The following SDK1 variants were observed in gnomAD, a reference collection of about 807,000 sequenced individuals.
The protein encoded by SDK1 is protein sidekick-1.
Under a neutral mutation model 245.5 loss-of-function variants are expected in SDK1, and 157 were observed. That is an observed-to-expected ratio of 0.64 (90% CI 0.56 to 0.73). The LOEUF (loss-of-function observed/expected upper bound fraction) is 0.73, where lower values mean the gene tolerates loss of function less well. SDK1 is among the 30% of genes least tolerant of loss of function. SDK1 has a pLI of 0.00. For missense variants in SDK1, 3,583 were observed against 3,002.3 expected (o/e 1.19, Z -4.52); for synonymous variants, 1,647 against 1,278.5 (o/e 1.29, Z -6.15).
At chr7:3,744,798 T>C (rs10261115) in intron 4 of SDK1, among the ~76,000 whole-genome samples, 12,787 of 150,354 alleles carry the variant, frequency 0.085, 1,693 homozygotes, top group African/African-American at 0.28. Flanking sequence ...GGCGACAGAG[T>C]GAGACTCCAT....
At chr7:3,718,641 G>A (rs938172280) in intron 4 of SDK1, among the ~76,000 whole-genome samples, 10 of 152,110 alleles carry the variant, frequency 6.6e-5, no homozygotes, top group African/African-American at 2.4e-4. Context: ...ATAGGGAGTA[G>A]CTTCATCAAC....
intron 1 of SDK1, among the ~76,000 whole-genome samples, chr7:3,599,099 T>G (rs73673638): frequency 1.3e-5 from 2 of 148,458 alleles, no homozygotes; most frequent in African/African-American, 2.6e-5. Context: ...CCTTTTTTTT[T>G]TTTTTTTTTT....
chr7:3,389,029 G>A (rs57823932), intron 1 of SDK1, among the ~76,000 whole-genome samples: 18,780 of 152,158 alleles, frequency 0.12, 1,416 homozygotes, highest in African/African-American at 0.21. Context: ...TTTTGGTAGC[G>A]TAGTTTGGAA....
At chr7:3,678,268 G>T (rs1426171432) in intron 4 of SDK1, among the ~76,000 whole-genome samples, 6 of 152,118 alleles carry the variant, frequency 3.9e-5, no homozygotes, top group African/African-American at 1.4e-4. Context: ...TCACATCTAG[G>T]TATATACCCC....
At chr7:3,827,388 G>GTGTGTTAC (rs1554267602) in intron 5 of SDK1, among the ~76,000 whole-genome samples, 9 of 152,116 alleles carry the variant, frequency 5.9e-5, no homozygotes, top group African/African-American at 2.2e-4. Flanking sequence ...TGGAAGGCTC[G>GTGTGTTAC]TGTCTTACTC....
chr7:4,116,409 C>T (rs2128192725), intron 25 of SDK1, among the ~76,000 whole-genome samples: 1 of 152,308 alleles, frequency 6.6e-6, no homozygotes, highest in Non-Finnish European at 1.5e-5. Flanking sequence ...CAGCACGTGC[C>T]CAGTGCATCT....
intron 4 of SDK1, among the ~76,000 whole-genome samples, chr7:3,678,129 T>C (rs1455969406): frequency 1.3e-5 from 2 of 152,194 alleles, no homozygotes; most frequent in African/African-American, 4.8e-5. Context: ...AGTAGAAAAT[T>C]AACAAGTGTT....
At chr7:3,547,126 T>C (rs912731627) in intron 1 of SDK1, among the ~76,000 whole-genome samples, 2 of 152,220 alleles carry the variant, frequency 1.3e-5, no homozygotes, top group East Asian at 1.9e-4. Flanking sequence ...ATTTTTATTA[T>C]GATTTAACCC....
intron 5 of SDK1, among the ~76,000 whole-genome samples, chr7:3,848,758 G>A (rs944687604): frequency 2.0e-5 from 3 of 151,030 alleles, no homozygotes; most frequent in South Asian, 2.1e-4. Flanking sequence ...TGCAACCTCC[G>A]CCTCCCGAGT....
chr7:4,151,968 G>A (rs952206643), intron 30 of SDK1, among the ~76,000 whole-genome samples: 6 of 152,186 alleles, frequency 3.9e-5, no homozygotes, highest in Admixed American at 1.3e-4. Flanking sequence ...TGAAAACCCA[G>A]TGTGTGTGCA....
chr7:3,770,703 C>T (rs947649698), intron 4 of SDK1, among the ~76,000 whole-genome samples: 2 of 152,058 alleles, frequency 1.3e-5, no homozygotes, highest in East Asian at 3.9e-4. Context: ...AAGGAACATC[C>T]TTCTGTCTCC....
chr7:3,431,537 G>A (rs575791051), intron 1 of SDK1, among the ~76,000 whole-genome samples: 5 of 152,142 alleles, frequency 3.3e-5, no homozygotes, highest in South Asian at 2.1e-4. Flanking sequence ...AATACCAAAG[G>A]TGAATACCAA....
At chr7:4,195,613 C>T (rs558848650) in intron 35 of SDK1, among the ~76,000 whole-genome samples, 2 of 152,328 alleles carry the variant, frequency 1.3e-5, no homozygotes, top group South Asian at 2.1e-4. Context: ...AATTGAGTTT[C>T]TGTGTAGTAG....
At chr7:3,889,338 G>T (rs1042910643) in intron 5 of SDK1, among the ~76,000 whole-genome samples, 1 of 152,242 alleles carries the variant, frequency 6.6e-6, no homozygotes, top group Admixed American at 6.5e-5. Flanking sequence ...TGGCATCCCA[G>T]AGTCAGGCCT....
chr7:3,404,972 A>G (rs1382387234), intron 1 of SDK1, among the ~76,000 whole-genome samples: 1 of 152,194 alleles, frequency 6.6e-6, no homozygotes. Context: ...GCCTGTGTTC[A>G]GAAAGATTCT....
intron 17 of SDK1, among the ~76,000 whole-genome samples, chr7:4,048,149 A>T (rs929917760): frequency 2.0e-5 from 3 of 152,112 alleles, no homozygotes; most frequent in Non-Finnish European, 4.4e-5. Context: ...CCAGGACCAC[A>T]TGGGATCCCG....
chr7:3,383,989 C>A (rs1281507175), intron 1 of SDK1, among the ~76,000 whole-genome samples: 1 of 152,080 alleles, frequency 6.6e-6, no homozygotes. Flanking sequence ...TGATTTAGAT[C>A]ATTTATTATC....
At chr7:4,093,759 C>T (rs989224764) in intron 22 of SDK1, among the ~76,000 whole-genome samples, 1 of 152,182 alleles carries the variant, frequency 6.6e-6, no homozygotes, top group Non-Finnish European at 1.5e-5. Context: ...CCTAAGCACA[C>T]GCTGTGCCGA....
Position 4,026,728 on chromosome 7 carries a change from G to A in SDK1, c.2602+9376G>A, listed in dbSNP as rs1326428166. ...GCCGTAGAAATGTTTAATGCAGTGA[G>A]AACCTTCAGGTCTATCAAAACTGCA... On this transcript the variant is annotated intron_variant, in intron 17 of 44. Coordinates refer to ENST00000404826, the MANE Select transcript of SDK1 (RefSeq NM_152744.4). The surrounding 1 kb of genome is among the most constrained non-coding windows in gnomAD (Gnocchi z 4.1). Among the ~76,000 whole-genome samples the A allele has an allele frequency of 1.3e-5, 2 of 152,212 alleles. No individual in the cohort carries two copies. The highest frequency in any genetic ancestry group is 4.8e-5 in the African/African-American group (2 of 41,450).
Sources: gnomAD v4.1 joint callset for allele counts (sites outside exome capture counted in the v4.1 genomes callset) on GRCh38, gnomAD v4.1.1 for gene constraint, Gnocchi (gnomAD v3.1) non-coding constraint, MANE v1.5 for transcripts, NCBI Gene and HGNC (gene_info 2026-07-23, HGNC 2026-07-21) for gene names.